Variants in PTCHD4 observed in about 807,000 individuals in gnomAD.
The protein encoded by PTCHD4 is patched domain-containing protein 4.
PTCHD4 carries 33 observed loss-of-function variants against 58.1 expected under a neutral mutation model. The observed-to-expected ratio is 0.57, with a 90% CI of 0.43 to 0.76. The LOEUF (loss-of-function observed/expected upper bound fraction) is 0.76. Ranked by LOEUF, PTCHD4 falls within the 30% of genes least tolerant of loss-of-function variation. The pLI is 0.00. For synonymous variants in PTCHD4, 478 were observed against 409.6 expected, an observed-to-expected ratio of 1.17 and a Z score of -2.02; for missense variants, 1,058 against 1,027.1, an observed-to-expected ratio of 1.03 and a Z score of -0.41.
At chr6:47,907,047 C>A (rs1193985050) in intron 4 of PTCHD4, among the ~76,000 whole-genome samples, 1 of 152,140 alleles carries the variant, frequency 6.6e-6, no homozygotes, top group Non-Finnish European at 1.5e-5. Context: ...ATAATGCCTG[C>A]ATTTTGTTCT....
intron 4 of PTCHD4, among the ~76,000 whole-genome samples, chr6:47,959,308 G>A (rs1004698616): frequency 5.9e-5 from 9 of 152,124 alleles, no homozygotes; most frequent in African/African-American, 2.2e-4. Flanking sequence ...ATAGGATTAA[G>A]GGCTGATTAG....
chr6:48,073,794 T>C (rs1180884171), intron 1 of PTCHD4, among the ~76,000 whole-genome samples: 1 of 152,162 alleles, frequency 6.6e-6, no homozygotes, highest in African/African-American at 2.4e-5. Context: ...CTGAAATGCA[T>C]GAGAAACATC....
At chr6:47,941,519 G>C (rs1273918775) in intron 4 of PTCHD4, among the ~76,000 whole-genome samples, 1 of 152,188 alleles carries the variant, frequency 6.6e-6, no homozygotes, top group Non-Finnish European at 1.5e-5. Flanking sequence ...GGAGACAGAA[G>C]TTACCCACAT....
At chr6:47,931,425 G>A (rs953606179) in intron 4 of PTCHD4, among the ~76,000 whole-genome samples, 1 of 152,186 alleles carries the variant, frequency 6.6e-6, no homozygotes, top group Non-Finnish European at 1.5e-5. Context: ...GATGAACACA[G>A]CATTGTGAAC....
chr6:48,020,704 G>A (rs1340026962), intron 3 of PTCHD4, among the ~76,000 whole-genome samples: 1 of 152,058 alleles, frequency 6.6e-6, no homozygotes, highest in Non-Finnish European at 1.5e-5. Flanking sequence ...GAATAAAGCA[G>A]CATGGAGACT....
intron 4 of PTCHD4, among the ~76,000 whole-genome samples, chr6:47,970,967 C>G (rs1581953425): frequency 6.6e-6 from 1 of 152,276 alleles, no homozygotes; most frequent in African/African-American, 2.4e-5. Context: ...AACCACTGCT[C>G]TAGAAAAACT....
chr6:47,986,090 G>A (rs1768056817), intron 4 of PTCHD4, among the ~76,000 whole-genome samples: 1 of 152,046 alleles, frequency 6.6e-6, no homozygotes, highest in Non-Finnish European at 1.5e-5. Flanking sequence ...TATGACCCCT[G>A]TTTGTAGAAC....
chr6:48,068,439 G>A lies in PTCHD4; in HGVS notation c.208C>T (p.Leu70=). 6.2e-7 allele frequency: 1 copy of A among 1,613,914 alleles called. No homozygotes were observed. The highest frequency in any genetic ancestry group is 8.5e-7 in the Non-Finnish European group (1 of 1,179,884). ...RFQPEGDLER[L]VAPSHSLAKI... is the part of the protein sequence containing the mutation. ...GCCAGGCTGTGGCTGGGAGCGACCA[G>A]GCGCTCCAGGTCGCCCTCGGGCTGG... Residue 70 remains leucine, a synonymous_variant, in exon 3 of 5, where the codon CTG becomes TTG. Coordinates refer to ENST00000339488, the MANE Select transcript of PTCHD4 (RefSeq NM_001384253.1). This position sits in a 1 kb window ranked among gnomAD's most constrained non-coding sequence, Gnocchi z 4.2.
rs1354331650 is a variant in PTCHD4 at position 47,863,595 on chromosome 6, A to G, written c.*14708T>C. 2.0e-5 allele frequency among the ~76,000 whole-genome samples: 3 copies of G among 151,960 alleles called. No individual in the cohort carries two copies. The highest frequency in any genetic ancestry group is 7.2e-5 in the African/African-American group (3 of 41,406). ...GTAGATTCCAAATATTGCATGAAAC[A>G]TACTTGTACTAAAAATTTCATTCAC... On this transcript the variant is annotated 3_prime_UTR_variant, in exon 5 of 5. Transcript: ENST00000339488.
chr6:47,885,181 AAGAG>A (rs1303262017), intron 4 of PTCHD4, among the ~76,000 whole-genome samples: 1 of 152,326 alleles, frequency 6.6e-6, no homozygotes, highest in South Asian at 2.1e-4. Flanking sequence ...TTTGAAATAA[AAGAG>A]AGAGTTCTTA....
At chr6:47,974,364 A>G (rs1468142150) in intron 4 of PTCHD4, among the ~76,000 whole-genome samples, 1 of 152,202 alleles carries the variant, frequency 6.6e-6, no homozygotes, top group African/African-American at 2.4e-5. Context: ...TTGTAATTAA[A>G]CATGGACTTT....
At chr6:47,987,885 C>G (rs1247828453) in intron 4 of PTCHD4, among the ~76,000 whole-genome samples, 1 of 151,790 alleles carries the variant, frequency 6.6e-6, no homozygotes, top group Admixed American at 6.6e-5. Context: ...AGGTGATTCT[C>G]CAGCCTCAGC....
At chr6:47,999,499 C>A (rs187211583) in intron 4 of PTCHD4, among the ~76,000 whole-genome samples, 1 of 152,170 alleles carries the variant, frequency 6.6e-6, no homozygotes, top group East Asian at 1.9e-4. Context: ...AGTCCTGTGG[C>A]AACATATTAG....
At chr6:47,902,400 A>AT (rs1271848948) in intron 4 of PTCHD4, among the ~76,000 whole-genome samples, 4 of 152,186 alleles carry the variant, frequency 2.6e-5, no homozygotes, top group East Asian at 1.9e-4. Flanking sequence ...AAAATAGGAA[A>AT]TTTGGTATCT....
At position 47,861,532 on chromosome 6, in the gene PTCHD4, A is replaced by G. The variant is rs542130295; in HGVS notation, c.*16771T>C. Among the ~76,000 whole-genome samples the G allele has an allele frequency of 2.0e-5, 3 of 152,040 alleles. No individual in the cohort carries two copies. The highest frequency in any genetic ancestry group is 2.9e-5 in the Non-Finnish European group (2 of 67,906). ...TTAGGCATCCTTGCCTTCCTATCTTACCATTTTGTCCAAAACACATCTAGT... is the reference window on the plus strand; with the variant it reads ...TTAGGCATCCTTGCCTTCCTATCTTGCCATTTTGTCCAAAACACATCTAGT... On this transcript the variant is annotated 3_prime_UTR_variant, in exon 5 of 5. Coordinates refer to ENST00000339488, the MANE Select transcript of PTCHD4 (RefSeq NM_001384253.1).
chr6:47,952,957 T>C (rs1766709805), intron 4 of PTCHD4, among the ~76,000 whole-genome samples: 2 of 152,092 alleles, frequency 1.3e-5, no homozygotes, highest in South Asian at 4.1e-4. Context: ...ATATTTCATA[T>C]ACATACATGC....
intron 4 of PTCHD4, among the ~76,000 whole-genome samples, chr6:47,880,696 T>C (rs550094854): frequency 7.8e-4 from 118 of 152,242 alleles, no homozygotes; most frequent in Non-Finnish European, 1.4e-3. Context: ...AGAATACTTG[T>C]TTTAAACCAA....
chr6:48,027,291 T>G (rs1285372031), intron 3 of PTCHD4, among the ~76,000 whole-genome samples: 1 of 152,154 alleles, frequency 6.6e-6, no homozygotes, highest in Admixed American at 6.6e-5. Flanking sequence ...AAATGTTTTT[T>G]TCCAGTTCAT....
At chr6:47,978,295 G>T (rs1767768598) in intron 4 of PTCHD4, among the ~76,000 whole-genome samples, 1 of 152,006 alleles carries the variant, frequency 6.6e-6, no homozygotes, top group African/African-American at 2.4e-5. Flanking sequence ...GCTACTCACA[G>T]TTCTTACTCT....
Sources: allele counts gnomAD v4.1 joint callset (sites outside exome capture counted in the v4.1 genomes callset), GRCh38; gene constraint gnomAD v4.1.1; non-coding constraint Gnocchi (gnomAD v3.1); transcripts MANE v1.5; gene names NCBI Gene and HGNC (gene_info 2026-07-23, HGNC 2026-07-21).